FBXO33: variants seen among roughly 807,000 people sequenced by gnomAD.
FBXO33 encodes F-box only protein 33.
FBXO33 carries 22 observed loss-of-function variants against 46.3 expected under a neutral mutation model. That is an observed-to-expected ratio of 0.48 (90% confidence interval 0.34 to 0.68). The LOEUF (loss-of-function observed/expected upper bound fraction) is 0.68. Among genes scored for constraint, FBXO33 ranks in the 30% least tolerant of loss-of-function variants. FBXO33 has a pLI of 0.01. For missense variants in FBXO33, 692 were observed against 708.8 expected, an observed-to-expected ratio of 0.98 and a Z score of 0.27; for synonymous variants, 337 against 291.3, an observed-to-expected ratio of 1.16 and a Z score of -1.60.
chr14:39,402,111 A>T (rs531095698), intron 2 of FBXO33, among the ~76,000 whole-genome samples: 33 of 152,354 alleles, frequency 2.2e-4, no homozygotes, highest in Admixed American at 5.2e-4. Flanking sequence ...AGCACCACTT[A>T]TACCCGTTTA....
rs375761988 is a variant in FBXO33, at chr14:39,399,732, A to G, written c.1452T>C (p.Asp484=). 4 of 1,613,078 alleles carry G rather than the reference A, an allele frequency of 2.5e-6. No individual in the cohort carries two copies. Among genetic ancestry groups the G allele is most frequent in the Non-Finnish European group, 3.4e-6 (4 of 1,179,240 alleles). ...LIAIARLRGS[D]LKVLEVTEES... is the part of the protein sequence containing the mutation. Reference sequence around the variant, plus strand: ...CTTCGGTGACTTCAAGCACTTTCAGATCAGAGCCCCGAAGACGAGCAATGG... The same window carrying G: ...CTTCGGTGACTTCAAGCACTTTCAGGTCAGAGCCCCGAAGACGAGCAATGG... Residue 484 remains aspartate, a synonymous_variant, in exon 4 of 4, where the codon GAT becomes GAC. Transcript: ENST00000298097.
chr14:39,432,035 C>G lies in FBXO33; in HGVS notation c.128G>C (p.Arg43Pro). 1 of 1,330,974 alleles carries G rather than the reference C, an allele frequency of 7.5e-7. No homozygotes were observed. The highest frequency in any genetic ancestry group is 9.6e-7 in the Non-Finnish European group (1 of 1,046,312). The allele number at this position is 1,330,974 out of a possible 1,614,324, so 82.4% of individuals were successfully genotyped here. Residue 43 changes from arginine to proline, a missense_variant, in exon 1 of 4, where the codon CGG becomes CCG. Physicochemically the swap from Arg to Pro is moderately radical, Grantham distance 103. Around this residue, in one of 3 missense-constraint regions of FBXO33, gnomAD observed 412 missense variants for 370.8 expected, o/e 1.11. Transcript: ENST00000298097. Reference protein sequence around the residue: ...QQLRRLRGLLRVLRGRPGAGS... With the variant: ...QQLRRLRGLLPVLRGRPGAGS... Reference sequence around the variant, plus strand: ...GGCTCCCGGCCGCCCCCGCAGTACCCGGAGCAGCCCCCGCAGCCGTCGCAG... The same window carrying G: ...GGCTCCCGGCCGCCCCCGCAGTACCGGGAGCAGCCCCCGCAGCCGTCGCAG...
intron 1 of FBXO33, among the ~76,000 whole-genome samples, chr14:39,421,319 TAAG>T (rs2075482163): frequency 6.6e-6 from 1 of 152,186 alleles, no homozygotes. Context: ...TTGTTCACCT[TAAG>T]GAGTATACGT....
rs1479601888 is a variant in FBXO33 at position 39,431,582 on chromosome 14, A to G, written c.581T>C (p.Val194Ala). 2.5e-6 allele frequency: 4 copies of G among 1,612,856 alleles called. No individual in the cohort carries two copies. Among genetic ancestry groups the G allele is most frequent in the Non-Finnish European group, 3.4e-6 (4 of 1,180,014 alleles). Reference sequence around the variant, plus strand: ...AGCCTACCTGTTGTTCCGGATGCTGACCAGCACGCAAAGCACCAGCTCCAA... The same window carrying G: ...AGCCTACCTGTTGTTCCGGATGCTGGCCAGCACGCAAAGCACCAGCTCCAA... ...TYLELVLCVL[V>A]SIRNNRNLQK... The change falls in exon 1 of 4, where the codon GTC becomes GCC. Residue 194 changes from valine (V) to alanine (A), a missense_variant. By Grantham distance (64) the Val-to-Ala change is moderately conservative. Transcript: ENST00000298097.
At chr14:39,424,805 A>G (rs2075502980) in intron 1 of FBXO33, among the ~76,000 whole-genome samples, 1 of 152,216 alleles carries the variant, frequency 6.6e-6, no homozygotes, top group Non-Finnish European at 1.5e-5. Flanking sequence ...CTGTAATCCC[A>G]GCGCTTTGGG....
chr14:39,405,193 T>G (rs1009272995), intron 1 of FBXO33, among the ~76,000 whole-genome samples: 7 of 151,680 alleles, frequency 4.6e-5, no homozygotes, highest in Non-Finnish European at 8.8e-5. Flanking sequence ...ACTGTGGCAT[T>G]AGAAGAGTCT....
At chr14:39,415,644 T>C (rs969849551) in intron 1 of FBXO33, among the ~76,000 whole-genome samples, 12 of 152,182 alleles carry the variant, frequency 7.9e-5, no homozygotes, top group Admixed American at 4.6e-4. Context: ...ACCAATTAAT[T>C]ATTGGAGTTA....
chr14:39,402,400 C>A lies in FBXO33; in HGVS notation c.710+1G>T. The A allele has an allele frequency of 6.6e-7, 1 of 1,524,658 alleles. No homozygotes were observed. Among genetic ancestry groups the A allele is most frequent in the Non-Finnish European group, 8.9e-7 (1 of 1,121,948 alleles). 94.4% of individuals were successfully genotyped at this position (1,524,658 alleles called of 1,614,324 possible). A position where few individuals can be genotyped will look rare whatever the true frequency, so the allele number is the denominator to read the frequency against. On this transcript the variant is annotated splice_donor_variant, in intron 2 of 3. Transcript: ENST00000298097. LOFTEE classifies it high-confidence loss of function. ...TCCTTTCCATTAACCATATAACTTA[C>A]TGTTTAATTTTTTTGCCATCAGGGT... is the stretch of plus-strand genomic sequence containing the variant.
chr14:39,426,383 G>C (rs1048036720), intron 1 of FBXO33, among the ~76,000 whole-genome samples: 1 of 152,056 alleles, frequency 6.6e-6, no homozygotes, highest in Non-Finnish European at 1.5e-5. Flanking sequence ...CTTGCTTAGA[G>C]TACAGTAAAA....
Position 39,399,590 on chromosome 14 carries a change from C to G in FBXO33, c.1594G>C (p.Glu532Gln). 6.2e-7 allele frequency: 1 copy of G among 1,613,558 alleles called. No individual in the cohort carries two copies. Among genetic ancestry groups the G allele is most frequent in the Non-Finnish European group, 8.5e-7 (1 of 1,179,752 alleles). ...GQPWHAVMDIESLSVFTEPNR... is the reference protein window; with the variant it reads ...GQPWHAVMDIQSLSVFTEPNR... ...GGTTCAGTGAAGACACTGAGTGATTCGATGTCCATGACTGCATGCCAAGGT... is the reference window on the plus strand; with the variant it reads ...GGTTCAGTGAAGACACTGAGTGATTGGATGTCCATGACTGCATGCCAAGGT... Residue 532 changes from glutamate (E) to glutamine (Q), a missense_variant, in exon 4 of 4, where the codon GAA becomes CAA. Transcript: ENST00000298097.
chr14:39,418,790 C>A lies in FBXO33; in HGVS notation c.599+12774G>T, dbSNP rs199798785. On this transcript the variant is annotated intron_variant, in intron 1 of 3. Coordinates refer to ENST00000298097, the MANE Select transcript of FBXO33 (RefSeq NM_203301.4). ...ACTCCGTCTCAAAAAAAAAAAAAAA[C>A]AAAAAAAAAACAAACTGCATCACAG... is the stretch of plus-strand genomic sequence containing the variant. Among the ~76,000 whole-genome samples, 952 of 136,548 alleles carry A rather than the reference C, an allele frequency of 7.0e-3. 6 individuals are homozygous for A. The highest frequency in any genetic ancestry group is 0.017 in the African/African-American group (615 of 36,978). 89.6% of individuals were successfully genotyped at this position (136,548 alleles called of 152,430 possible).
intron 2 of FBXO33, among the ~76,000 whole-genome samples, chr14:39,402,191 A>G (rs180992621): frequency 3.5e-4 from 53 of 152,328 alleles, no homozygotes; most frequent in Non-Finnish European, 5.3e-4. Context: ...TTAAATAGCA[A>G]TAATTATCCA....
chr14:39,417,114 G>A (rs992350978), intron 1 of FBXO33, among the ~76,000 whole-genome samples: 1 of 152,192 alleles, frequency 6.6e-6, no homozygotes, highest in Non-Finnish European at 1.5e-5. Context: ...TTAGAGACAA[G>A]GCTCACTTCA....
chr14:39,418,220 C>T (rs1293776675), intron 1 of FBXO33, among the ~76,000 whole-genome samples: 2 of 151,326 alleles, frequency 1.3e-5, no homozygotes, highest in Non-Finnish European at 2.9e-5. Flanking sequence ...CCTGCCACCA[C>T]ACCCGGCTAA....
Position 39,401,101 on chromosome 14 carries a change from G to A in FBXO33, c.1396+75C>T. The A allele has an allele frequency of 6.0e-6, 8 of 1,326,178 alleles. No individual in the cohort carries two copies. In the South Asian group the frequency reaches 1.1e-4, roughly 19 times the overall value. The allele number at this position is 1,326,178 out of a possible 1,614,324, so 82.2% of individuals were successfully genotyped here. ...AGATTTCTTGATACTATAAAGGTCA[G>A]TGCTATCTCTTTACTGGCAGAAAAT... On this transcript the variant is annotated intron_variant, in intron 3 of 3. Transcript: ENST00000298097.
At chr14:39,419,913 C>A (rs2075472437) in intron 1 of FBXO33, among the ~76,000 whole-genome samples, 1 of 152,254 alleles carries the variant, frequency 6.6e-6, no homozygotes, top group Admixed American at 6.5e-5. Flanking sequence ...TGAAATATCA[C>A]AAAGTCATAA....
chr14:39,415,182 C>A (rs1482919703), intron 1 of FBXO33, among the ~76,000 whole-genome samples: 1 of 152,068 alleles, frequency 6.6e-6, no homozygotes, highest in African/African-American at 2.4e-5. Flanking sequence ...CATCTGTAAT[C>A]CAAGCACTCT....
Position 39,401,676 on chromosome 14 carries a change from G to A in FBXO33, c.896C>T (p.Ala299Val). Residue 299 changes from alanine to valine, a missense_variant, in exon 3 of 4, where the codon GCA (alanine) becomes GTA (valine). Physicochemically the swap from Ala to Val is moderately conservative, Grantham distance 64. This residue lies in a region of FBXO33 where 186 missense variants were observed against 246.1 expected (regional missense o/e 0.76). Coordinates refer to ENST00000298097, the MANE Select transcript of FBXO33 (RefSeq NM_203301.4). ...NIPGNSTLIT[A>V]VELERFVNLH... Reference sequence around the variant, plus strand: ...ATTCACAAATCGCTCCAGTTCAACTGCAGTAATAAGAGTGCTGTTACCAGG... The same window carrying A: ...ATTCACAAATCGCTCCAGTTCAACTACAGTAATAAGAGTGCTGTTACCAGG... 1 of 1,614,196 alleles carries A rather than the reference G, an allele frequency of 6.2e-7. No individual in the cohort carries two copies. Among genetic ancestry groups the A allele is most frequent in the East Asian group, 2.2e-5 (1 of 44,886 alleles).
In FBXO33 at chr14:39,432,101, G is replaced by A. The variant is rs528602238; in HGVS notation, c.62C>T (p.Ala21Val). Residue 21 changes from alanine (A) to valine (V), a missense_variant, in exon 1 of 4, where the codon GCC becomes GTC. Physicochemically the swap from Ala to Val is moderately conservative, Grantham distance 64 (BLOSUM62 0). Around this residue, in one of 3 missense-constraint regions of FBXO33, gnomAD observed 412 missense variants for 370.8 expected, o/e 1.11. Coordinates refer to ENST00000298097, the MANE Select transcript of FBXO33 (RefSeq NM_203301.4). Reference protein sequence around the residue: ...RPPGARTRAGAARVARWRRLR... With the variant: ...RPPGARTRAGVARVARWRRLR... ...CCGCCGCCACCGCGCCACCCGGGCG[G>A]CCCCGGCTCGGGTTCGAGCTCCCGG... The A allele has an allele frequency of 7.2e-6, 9 of 1,242,570 alleles. No individual in the cohort carries two copies. The Admixed American group carries it at 3.8e-4, about 53-fold the overall frequency. The allele number at this position is 1,242,570 out of a possible 1,614,324, so 77.0% of individuals were successfully genotyped here.
Sources: gnomAD v4.1 joint callset for allele counts (sites outside exome capture counted in the v4.1 genomes callset) on GRCh38, gnomAD v4.1.1 for gene constraint, gnomAD v4.1.1 regional missense constraint, MANE v1.5 for transcripts, NCBI Gene and HGNC (gene_info 2026-07-23, HGNC 2026-07-21) for gene names.